The following SDK1 variants were observed in gnomAD, a reference collection of about 807,000 sequenced individuals.
SDK1 encodes protein sidekick-1.
In SDK1, 157 loss-of-function variants were observed where a neutral mutation model predicts 245.5. The observed-to-expected ratio is 0.64, with a 90% CI of 0.56 to 0.73. SDK1 has a LOEUF of 0.73. Among genes scored for constraint, SDK1 ranks in the 30% least tolerant of loss-of-function variants. The pLI, the probability that SDK1 is intolerant of heterozygous loss-of-function variation, is 0.00. For missense variants in SDK1, 3,583 were observed against 3,002.3 expected, an observed-to-expected ratio of 1.19 and a Z score of -4.52; for synonymous variants, 1,647 against 1,278.5, an observed-to-expected ratio of 1.29 and a Z score of -6.15.
chr7:4,022,105 C>T (rs1786942431), intron 17 of SDK1, among the ~76,000 whole-genome samples: 1 of 152,198 alleles, frequency 6.6e-6, no homozygotes, highest in Non-Finnish European at 1.5e-5. Context: ...GGGGCTTGAG[C>T]AGGTCCTTGA....
chr7:4,208,223 C>A lies in SDK1; in HGVS notation c.5339C>A (p.Ala1780Asp). ...ACCAAGTACCTGGTCAGCATATCAG[C>A]CTTCAACGCCGCCGGAGATGGACCT... The part of the protein sequence containing the change: ...SHTKYLVSIS[A>D]FNAAGDGPKS... The change falls in exon 37 of 45, where the codon GCC (alanine) becomes GAC (aspartate). Residue 1780 changes from alanine (A) to aspartate (D), a missense_variant. Transcript: ENST00000404826. 1 of 1,614,104 alleles carries A rather than the reference C, an allele frequency of 6.2e-7. No individual in the cohort carries two copies. Among genetic ancestry groups the A allele is most frequent in the Non-Finnish European group, 8.5e-7 (1 of 1,180,012 alleles).
At chr7:3,392,962 T>TTTA (rs71550400) in intron 1 of SDK1, among the ~76,000 whole-genome samples, 1 of 25,974 alleles carries the variant, frequency 3.9e-5, no homozygotes, top group East Asian at 8.4e-4. Flanking sequence ...CTGTTTTAAA[T>TTTA]TTTTTTTTTT....
chr7:4,102,027 C>G (rs1383099220), intron 22 of SDK1, among the ~76,000 whole-genome samples: 1 of 152,200 alleles, frequency 6.6e-6, no homozygotes, highest in Non-Finnish European at 1.5e-5. Flanking sequence ...AAAGACAAAA[C>G]AAACGACAAC....
chr7:3,695,229 G>A (rs910381014), intron 4 of SDK1, among the ~76,000 whole-genome samples: 11 of 152,226 alleles, frequency 7.2e-5, no homozygotes, highest in Middle Eastern at 6.8e-3. Context: ...AAGTATTTCC[G>A]TCTAAGAATT....
At chr7:4,060,673 T>C (rs868697643) in intron 19 of SDK1, among the ~76,000 whole-genome samples, 25 of 152,264 alleles carry the variant, frequency 1.6e-4, no homozygotes, top group African/African-American at 5.1e-4. Context: ...ATTTTGGCTT[T>C]TGTTGCCATT....
intron 4 of SDK1, among the ~76,000 whole-genome samples, chr7:3,803,900 G>A (rs889274974): frequency 1.1e-4 from 17 of 151,910 alleles, no homozygotes; most frequent in Non-Finnish European, 2.1e-4. Context: ...GAGTAGCTGG[G>A]ACTACAGGCA....
At chr7:3,959,123 C>G (rs1177965636) in intron 8 of SDK1, 109 bp downstream of exon 8, 5 of 853,922 alleles carry the variant, frequency 5.9e-6, no homozygotes, top group Non-Finnish European at 8.0e-6. Context: ...AGTGTGATGG[C>G]GAAGAGCAGA....
Position 4,241,783 on chromosome 7 carries a change from TG to T in SDK1, c.6131-7del, listed in dbSNP as rs1317766869. On this transcript the variant is annotated splice_polypyrimidine_tract_variant and intron_variant, in intron 42 of 44. Coordinates refer to ENST00000404826, the MANE Select transcript of SDK1 (RefSeq NM_152744.4). ...AACACGTCTGTTCTCACTCTCCTGC[TG>T]GGCTTTAGGAAAGGGGATCTCCACC... 6.2e-7 allele frequency: 1 copy of T among 1,614,100 alleles called. No homozygotes were observed. Among genetic ancestry groups the T allele is most frequent in the East Asian group, 2.2e-5 (1 of 44,858 alleles).
At chr7:3,414,889 T>C (rs1156406892) in intron 1 of SDK1, among the ~76,000 whole-genome samples, 1 of 152,236 alleles carries the variant, frequency 6.6e-6, no homozygotes, top group East Asian at 1.9e-4. Context: ...TGCATCCATG[T>C]TGTAGCATGT....
chr7:3,591,810 A>T (rs1780884251), intron 1 of SDK1, among the ~76,000 whole-genome samples: 1 of 152,176 alleles, frequency 6.6e-6, no homozygotes, highest in Non-Finnish European at 1.5e-5. Flanking sequence ...GTACTTGCAA[A>T]ATTTATCCAA....
At chr7:3,981,600 A>G (rs1267306795) in intron 13 of SDK1, among the ~76,000 whole-genome samples, 1 of 152,246 alleles carries the variant, frequency 6.6e-6, no homozygotes, top group Admixed American at 6.5e-5. Context: ...TCCAGGGAAC[A>G]CACAAATGAT....
At chr7:3,606,675 A>G (rs1781435591) in intron 1 of SDK1, among the ~76,000 whole-genome samples, 1 of 151,812 alleles carries the variant, frequency 6.6e-6, no homozygotes, top group African/African-American at 2.4e-5. Flanking sequence ...TCCCTTTCTT[A>G]CTCAGATACC....
intron 1 of SDK1, among the ~76,000 whole-genome samples, chr7:3,368,961 T>C (rs1781157088): frequency 6.6e-6 from 1 of 152,134 alleles, no homozygotes; most frequent in South Asian, 2.1e-4. Flanking sequence ...GATTTGGATC[T>C]GTCTTTGCAT....
chr7:3,951,743 C>G lies in SDK1; in HGVS notation c.973C>G (p.Leu325Val). 6.2e-7 allele frequency: 1 copy of G among 1,613,414 alleles called. No homozygotes were observed. Among genetic ancestry groups the G allele is most frequent in the Admixed American group, 1.7e-5 (1 of 60,024 alleles). Residue 325 changes from leucine (L) to valine (V), a missense_variant, in exon 7 of 45, where the codon CTG becomes GTG. Transcript: ENST00000404826. ...CIASARPVED[L>V]SVTWKRNGVR... ...TCATTCCCACAGGCCTGTGGAGGAC[C>G]TGAGTGTGACCTGGAAGAGGAATGG...
chr7:3,607,010 T>A (rs1470051015), intron 1 of SDK1, among the ~76,000 whole-genome samples: 1 of 152,188 alleles, frequency 6.6e-6, no homozygotes, highest in Non-Finnish European at 1.5e-5. Context: ...TTCATTGATT[T>A]GCTGTTTTGA....
At chr7:4,081,412 A>T (rs866747562) in intron 22 of SDK1, among the ~76,000 whole-genome samples, 3 of 149,954 alleles carry the variant, frequency 2.0e-5, no homozygotes, top group Non-Finnish European at 3.0e-5. Context: ...ATGTCATACA[A>T]CCTGTTTCTT....
rs77843666 is a variant in SDK1 at position 4,093,024 on chromosome 7, C to A, written c.3324+13440C>A. ...AAGAAGGTTTTATTACTTAGAGTTA[C>A]CTTCAGTGAATTATGGAATGAAGGA... On this transcript the variant is annotated intron_variant, in intron 22 of 44. Transcript: ENST00000404826. 9.2e-5 allele frequency among the ~76,000 whole-genome samples: 14 copies of A among 152,164 alleles called. No individual in the cohort carries two copies. The East Asian group carries it at 2.3e-3, about 25-fold the overall frequency.
chr7:4,018,886 C>T (rs1430981774), intron 17 of SDK1, among the ~76,000 whole-genome samples: 1 of 152,128 alleles, frequency 6.6e-6, no homozygotes, highest in Non-Finnish European at 1.5e-5. Flanking sequence ...GCAGCAGGGA[C>T]TCTAGAGACA....
At chr7:3,323,382 G>C (rs1036680062) in intron 1 of SDK1, among the ~76,000 whole-genome samples, 6 of 152,212 alleles carry the variant, frequency 3.9e-5, no homozygotes, top group African/African-American at 1.4e-4. Context: ...TGAATTTCCA[G>C]AGCTTGCTGT....
Sources: allele counts gnomAD v4.1 joint callset (sites outside exome capture counted in the v4.1 genomes callset), GRCh38; gene constraint gnomAD v4.1.1; transcripts MANE v1.5; gene names NCBI Gene and HGNC (gene_info 2026-07-23, HGNC 2026-07-21).